Variants in GET1 observed in about 807,000 individuals in gnomAD.
GET1 encodes the protein congenital heart disease 5 protein.
A neutral mutation model predicts 22.6 loss-of-function variants in GET1; 20 were observed. The ratio of observed to expected loss-of-function variants is 0.89; its 90% CI spans 0.62 to 1.29. GET1 has a LOEUF of 1.29. Among genes scored for constraint, GET1 ranks in the 50% most tolerant of loss-of-function variants. The pLI is 0.00. For missense variants in GET1, 209 were observed against 219.9 expected (o/e 0.95, Z 0.31); for synonymous variants, 92 against 83.8 (o/e 1.10, Z -0.53).
chr21:39,415,029 G>A (rs1239073694), intron 1 of GET1, among the ~76,000 whole-genome samples: 2 of 152,062 alleles, frequency 1.3e-5, no homozygotes, highest in African/African-American at 4.8e-5. Flanking sequence ...AGCCTCTGGA[G>A]TAGCTGGGAT....
exon 5 of GET1, chr21:39,406,538 C>G (rs865983980): frequency 6.2e-7 from 1 of 1,611,884 alleles, no homozygotes. Flanking sequence ...TCTTGGTCTT[C>G]TTTTTTGTCT....
chr21:39,386,365 AG>A (rs1351293409), intron 1 of GET1: 1 of 152,240 alleles, frequency 6.6e-6, no homozygotes, highest in East Asian at 1.9e-4. Context: ...TCTGCTTCAC[AG>A]GACCTACCCC....
downstream of GET1, among the ~76,000 whole-genome samples, chr21:39,402,719 C>T (rs775050165): frequency 4.6e-5 from 7 of 152,246 alleles, no homozygotes; most frequent in East Asian, 1.9e-4. Context: ...CCTTCTCTCT[C>T]AGAGCTCAGG....
At chr21:39,407,762 T>C (rs2039340054), downstream of GET1, 1 of 152,212 alleles carries the variant, frequency 6.6e-6, no homozygotes, top group Non-Finnish European at 1.5e-5. Context: ...GCTCAGAAAG[T>C]ATTTGTCAAA....
chr21:39,411,294 G>A, downstream of GET1: 1 of 208,764 alleles, frequency 4.8e-6, no homozygotes, highest in South Asian at 7.9e-5. Flanking sequence ...TGGGGTGGTG[G>A]CTCCATCGGT....
At position 39,387,827 on chromosome 21, in the gene GET1, C is replaced by G. The variant is rs1010823367; in HGVS notation, c.103-2871C>G. On this transcript the variant is annotated intron_variant, in intron 1 of 4. Transcript: ENST00000649170. Reference sequence around the variant, plus strand: ...TTCCAAGCTCTAAATGGAGAGTTGTCCCTACTGTGCGGCAGGCGGAGGAGA... The same window carrying G: ...TTCCAAGCTCTAAATGGAGAGTTGTGCCTACTGTGCGGCAGGCGGAGGAGA... 4.1e-6 allele frequency: 4 copies of G among 985,610 alleles called. No individual in the cohort carries two copies. The East Asian group carries it at 3.4e-4, about 84-fold the overall frequency. 61.1% of individuals were successfully genotyped at this position (985,610 alleles called of 1,614,324 possible).
chr21:39,387,599 T>A (rs1311009782), intron 1 of GET1, among the ~76,000 whole-genome samples: 1 of 152,012 alleles, frequency 6.6e-6, no homozygotes, highest in East Asian at 1.9e-4. Flanking sequence ...TTGAACCCCC[T>A]ACTCCCTGCG....
At chr21:39,382,426 A>G (rs183662996) in intron 1 of GET1, among the ~76,000 whole-genome samples, 1 of 151,844 alleles carries the variant, frequency 6.6e-6, no homozygotes. Context: ...TTCCATTCCT[A>G]CCTCTCCCTG....
In GET1 at chr21:39,396,974, C is replaced by T. The variant is rs775484970; in HGVS notation, c.*35C>T. ...TGGATACAGCCGCGAGGCTAAAAAA[C>T]GGATTTCCTCTTCCTAGCTTAAAAT... On this transcript the variant is annotated 3_prime_UTR_variant, in exon 5 of 5. Coordinates refer to ENST00000649170, the MANE Select transcript of GET1 (RefSeq NM_004627.6). 31 of 1,605,714 alleles carry T rather than the reference C, an allele frequency of 1.9e-5. No individual in the cohort carries two copies. Among genetic ancestry groups the T allele is most frequent in the East Asian group, 4.5e-5 (2 of 44,808 alleles).
In GET1 at chr21:39,380,430, A is replaced by T; in HGVS notation, c.46A>T (p.Ser16Cys). ...ADHWAWLLVL[S>C]FVFGCNVLRI... is the part of the protein sequence containing the mutation. ...CCACTGGGCGTGGTTGCTGGTGCTC[A>T]GCTTCGTGTTTGGATGCAATGTTCT... The change falls in exon 1 of 5, where the codon AGC (serine) becomes TGC (cysteine). Residue 16 changes from serine (S) to cysteine (C), a missense_variant. By Grantham distance (112) the Ser-to-Cys change is moderately radical. Coordinates refer to ENST00000649170, the MANE Select transcript of GET1 (RefSeq NM_004627.6). 6.2e-7 allele frequency: 1 copy of T among 1,613,040 alleles called. No homozygotes were observed. The highest frequency in any genetic ancestry group is 1.1e-5 in the South Asian group (1 of 90,698).
In GET1 at chr21:39,390,829, G is replaced by C. The variant is rs2038251981; in HGVS notation, c.234G>C (p.Lys78Asn). Residue 78 changes from lysine (K) to asparagine (N), a missense_variant, in exon 2 of 5, where the codon AAG becomes AAC. Coordinates refer to ENST00000649170, the MANE Select transcript of GET1 (RefSeq NM_004627.6). ...CCAGATATGCCAGGCTGGAAAGAAA[G>C]ATCAACAAGATGACGGATAAGCTCA... ...EFARYARLERKINKMTDKLKT... is the reference protein window; with the variant it reads ...EFARYARLERNINKMTDKLKT... The C allele has an allele frequency of 6.2e-7, 1 of 1,614,058 alleles. No homozygotes were observed. The highest frequency in any genetic ancestry group is 1.3e-5 in the African/African-American group (1 of 74,924).
intron 4 of GET1, among the ~76,000 whole-genome samples, chr21:39,403,635 T>A (rs1222908015): frequency 6.9e-6 from 1 of 144,428 alleles, no homozygotes; most frequent in Non-Finnish European, 1.5e-5. Context: ...TTTTATTTTT[T>A]TTTTGAGATG....
chr21:39,396,580 G>A (rs1395066546), intron 4 of GET1, among the ~76,000 whole-genome samples: 1 of 151,270 alleles, frequency 6.6e-6, no homozygotes, highest in South Asian at 2.1e-4. Context: ...CCAGCTACTC[G>A]GGAGGCTGAG....
chr21:39,402,922 G>A (rs1019523145), intron 4 of GET1, among the ~76,000 whole-genome samples: 1 of 152,100 alleles, frequency 6.6e-6, no homozygotes, highest in African/African-American at 2.4e-5. Flanking sequence ...ATACAGTTAA[G>A]ATGACTAGAC....
chr21:39,428,111 G>T, intron 1 of GET1: 1 of 898,480 alleles, frequency 1.1e-6, no homozygotes, highest in Non-Finnish European at 1.8e-6. Flanking sequence ...AAACACTAGT[G>T]CAGTAAAATA....
chr21:39,380,734 G>C, intron 1 of GET1: 2 of 1,217,160 alleles, frequency 1.6e-6, no homozygotes, highest in Non-Finnish European at 2.1e-6. Context: ...CTGGCTGTGG[G>C]TGGCGGCGGC....
At chr21:39,394,226 A>T (rs2038494223) in intron 4 of GET1, among the ~76,000 whole-genome samples, 1 of 152,120 alleles carries the variant, frequency 6.6e-6, no homozygotes, top group Admixed American at 6.5e-5. Flanking sequence ...GCTACTTGGG[A>T]GGCTGAGGTG....
intron 1 of GET1, chr21:39,413,802 G>A (rs1401992729): frequency 2.0e-5 from 3 of 152,186 alleles, no homozygotes; most frequent in Non-Finnish European, 4.4e-5. Flanking sequence ...ACATTTTCAT[G>A]TTTACAGGGA....
chr21:39,411,864 T>C, intron 1 of GET1: 2 of 951,394 alleles, frequency 2.1e-6, no homozygotes, highest in Non-Finnish European at 3.3e-6. Flanking sequence ...CCTGATTTCT[T>C]TTAAAAACAA....
Sources: gnomAD v4.1 joint callset for allele counts (sites outside exome capture counted in the v4.1 genomes callset) on GRCh38, gnomAD v4.1.1 for gene constraint, MANE v1.5 for transcripts, NCBI Gene and HGNC (gene_info 2026-07-23, HGNC 2026-07-21) for gene names.